Variants in VRTN observed in about 807,000 individuals in gnomAD.
VRTN encodes vertnin.
Under a neutral mutation model 18.2 loss-of-function variants are expected in VRTN, and 5 were observed. The ratio of observed to expected loss-of-function variants is 0.27; its 90% CI spans 0.14 to 0.58. The LOEUF (loss-of-function observed/expected upper bound fraction) is 0.58, where lower values mean the gene tolerates loss of function less well. Among genes scored for constraint, VRTN ranks in the 20% least tolerant of loss-of-function variants. The pLI, the probability that VRTN is intolerant of heterozygous loss-of-function variation, is 0.91. For missense variants in VRTN, 741 were observed against 939.4 expected (o/e 0.79, Z 2.76); for synonymous variants, 381 against 393.7 (o/e 0.97, Z 0.38).
At chr14:74,355,786 C>T (rs2085722756) in intron 1 of VRTN, among the ~76,000 whole-genome samples, 1 of 151,206 alleles carries the variant, frequency 6.6e-6, no homozygotes, top group Admixed American at 6.6e-5. Flanking sequence ...AGTGATCTGC[C>T]TGCCTCAGCC....
intron 2 of VRTN, among the ~76,000 whole-genome samples, chr14:74,341,067 A>G (rs1356990552): frequency 6.6e-6 from 1 of 152,198 alleles, no homozygotes; most frequent in African/African-American, 2.4e-5. Flanking sequence ...TTAACAAGTC[A>G]TTGAGTGAAT....
At chr14:74,323,357 G>A (rs2085468021) in intron 1 of VRTN, among the ~76,000 whole-genome samples, 1 of 152,028 alleles carries the variant, frequency 6.6e-6, no homozygotes, top group Non-Finnish European at 1.5e-5. Flanking sequence ...GCCGAGGCGG[G>A]CAGATCGCCT....
upstream of VRTN, among the ~76,000 whole-genome samples, chr14:74,343,634 T>C (rs1165982901): frequency 6.6e-6 from 1 of 152,146 alleles, no homozygotes; most frequent in African/African-American, 2.4e-5. Flanking sequence ...CGCCCATGCA[T>C]TAAATGGAGT....
intron 1 of VRTN, among the ~76,000 whole-genome samples, chr14:74,315,064 G>A (rs1030904060): frequency 6.6e-6 from 1 of 152,190 alleles, no homozygotes; most frequent in African/African-American, 2.4e-5. Context: ...AGGGAAGCAG[G>A]AGAAAGAAGA....
At chr14:74,338,404 A>G (rs1331228425) in intron 2 of VRTN, among the ~76,000 whole-genome samples, 1 of 152,250 alleles carries the variant, frequency 6.6e-6, no homozygotes, top group African/African-American at 2.4e-5. Flanking sequence ...CCTCAGTAAT[A>G]GCAAGTCATG....
At chr14:74,340,909 A>C (rs2085601195) in intron 2 of VRTN, among the ~76,000 whole-genome samples, 1 of 151,724 alleles carries the variant, frequency 6.6e-6, no homozygotes, top group East Asian at 2.0e-4. Context: ...ACTCCCGGCT[A>C]ATTTTTGTGT....
chr14:74,337,850 C>T (rs1277802734), exon 2 of VRTN: 2 of 152,250 alleles, frequency 1.3e-5, no homozygotes, highest in African/African-American at 2.4e-5. Context: ...ACCTGGGCTG[C>T]CTGCTTTTCC....
intron 1 of VRTN, among the ~76,000 whole-genome samples, chr14:74,328,516 C>A (rs1475598082): frequency 6.6e-6 from 1 of 152,192 alleles, no homozygotes; most frequent in East Asian, 1.9e-4. Flanking sequence ...GCAAAACATA[C>A]ACACATTTGT....
chr14:74,317,380 T>C (rs2085424927), intron 1 of VRTN, among the ~76,000 whole-genome samples: 1 of 152,178 alleles, frequency 6.6e-6, no homozygotes, highest in South Asian at 2.1e-4. Flanking sequence ...CCAAGGACAT[T>C]TGTTCAGTAT....
At chr14:74,306,346 T>G (rs906299271) in intron 1 of VRTN, 1 of 150,970 alleles carries the variant, frequency 6.6e-6, no homozygotes, top group Non-Finnish European at 1.5e-5. Flanking sequence ...AAAAAAATTT[T>G]TTTTGTAGAG....
chr14:74,353,174 A>T (rs922868389), intron 1 of VRTN, among the ~76,000 whole-genome samples: 14 of 152,052 alleles, frequency 9.2e-5, no homozygotes, highest in African/African-American at 3.4e-4. Flanking sequence ...CTACAGTCCT[A>T]GTTACTCTGG....
At chr14:74,303,706 C>A (rs1275391670) in intron 1 of VRTN, among the ~76,000 whole-genome samples, 2 of 152,170 alleles carry the variant, frequency 1.3e-5, no homozygotes, top group East Asian at 3.9e-4. Context: ...AAATTTGAAT[C>A]TGGATGTGTC....
chr14:74,315,083 AGAG>A (rs2085411484), intron 1 of VRTN, among the ~76,000 whole-genome samples: 1 of 152,244 alleles, frequency 6.6e-6, no homozygotes, highest in South Asian at 2.1e-4. Flanking sequence ...GAACAGGAGA[AGAG>A]AAGAAAGAGA....
In VRTN at chr14:74,357,395, T is replaced by C. The variant is rs536119422; in HGVS notation, c.612T>C (p.Arg204=). The change falls in exon 2 of 2, where the codon CGT becomes CGC. Residue 204 remains arginine, a synonymous_variant. Transcript: ENST00000256362. This position sits in a 1 kb window ranked among gnomAD's most constrained non-coding sequence, Gnocchi z 7.8. The part of the protein sequence containing the change: ...RNLKIRPYFN[R]VIRPRRCDHV... Reference sequence around the variant, plus strand: ...TCAAGATCCGGCCCTACTTCAACCGTGTCATCCGGCCCCGCCGCTGCGACC... The same window carrying C: ...TCAAGATCCGGCCCTACTTCAACCGCGTCATCCGGCCCCGCCGCTGCGACC... 8 of 1,613,338 alleles carry C rather than the reference T, an allele frequency of 5.0e-6. No homozygotes were observed. In the Admixed American group the frequency reaches 8.3e-5, roughly 17 times the overall value.
intron 1 of VRTN, among the ~76,000 whole-genome samples, chr14:74,336,808 T>C (rs761677711): frequency 6.6e-6 from 1 of 152,168 alleles, no homozygotes; most frequent in South Asian, 2.1e-4. Context: ...TTTTTTTCGC[T>C]ATTTTCCTCT....
chr14:74,306,426 A>T (rs1012265374), intron 1 of VRTN: 1 of 151,814 alleles, frequency 6.6e-6, no homozygotes, highest in Non-Finnish European at 1.5e-5. Context: ...GGCTCAAGTG[A>T]TCCTCCACCT....
rs558869659 is a variant in VRTN, at chr14:74,340,890, C to T, written c.-2+3006C>T. Among the ~76,000 whole-genome samples, 41 of 152,052 alleles carry T rather than the reference C, an allele frequency of 2.7e-4. 1 individual carries two copies. The highest frequency in any genetic ancestry group is 9.8e-4 in the Admixed American group (15 of 15,268). On this transcript the variant is annotated intron_variant, in intron 2 of 2. Transcript: ENST00000557177. ...CTCAGCCTCCTGAGTAGCTGGAGTA[C>T]GCGCAGCCACTCCCGGCTAATTTTT...
At chr14:74,353,947 T>G (rs1358146181) in intron 1 of VRTN, among the ~76,000 whole-genome samples, 2 of 152,120 alleles carry the variant, frequency 1.3e-5, no homozygotes, top group African/African-American at 4.8e-5. Context: ...TGGATTTTTG[T>G]ATTTTTAGTA....
intron 1 of VRTN, among the ~76,000 whole-genome samples, chr14:74,332,423 C>T (rs924182723): frequency 3.7e-5 from 5 of 134,238 alleles, no homozygotes; most frequent in Admixed American, 8.9e-5. Flanking sequence ...GGCGCGATCT[C>T]GGCTCACTGC....
Sources: allele counts gnomAD v4.1 joint callset (sites outside exome capture counted in the v4.1 genomes callset), GRCh38; gene constraint gnomAD v4.1.1; non-coding constraint Gnocchi (gnomAD v3.1); transcripts MANE v1.5; gene names NCBI Gene and HGNC (gene_info 2026-07-23, HGNC 2026-07-21).